The following ADAMTS9 variants were observed in gnomAD, a reference collection of about 807,000 sequenced individuals.
ADAMTS9 encodes the protein ADAM metallopeptidase with thrombospondin type 1 motif 9, also known as A disintegrin and metalloproteinase with thrombospondin motifs 9.
A neutral mutation model predicts 257.1 loss-of-function variants in ADAMTS9; 107 were observed. The observed-to-expected ratio is 0.42, with a 90% CI of 0.36 to 0.49. The LOEUF (loss-of-function observed/expected upper bound fraction) is 0.49, where lower values mean the gene tolerates loss of function less well. ADAMTS9 is among the 20% of genes least tolerant of loss of function. ADAMTS9 has a pLI of 0.03. For missense variants in ADAMTS9, 2,353 were observed against 2,469.1 expected (o/e 0.95, Z 1.00); for synonymous variants, 982 against 880.9 (o/e 1.11, Z -2.03).
At chr3:64,540,727 T>C (rs935033432) in intron 36 of ADAMTS9, among the ~76,000 whole-genome samples, 1 of 152,208 alleles carries the variant, frequency 6.6e-6, no homozygotes. Context: ...TCTATTTCAA[T>C]GTCATATTTT....
At chr3:64,612,825 G>A (rs971278573) in intron 22 of ADAMTS9, among the ~76,000 whole-genome samples, 2 of 152,118 alleles carry the variant, frequency 1.3e-5, no homozygotes, top group African/African-American at 4.8e-5. Flanking sequence ...ACAGACTAGA[G>A]GACTTGGAAA....
At chr3:64,528,807 G>A (rs1298985516) in intron 38 of ADAMTS9, among the ~76,000 whole-genome samples, 2 of 152,180 alleles carry the variant, frequency 1.3e-5, no homozygotes, top group Admixed American at 6.5e-5. Flanking sequence ...TTCACAATAA[G>A]TCAATGAGAA....
intron 12 of ADAMTS9, among the ~76,000 whole-genome samples, chr3:64,641,010 G>GA (rs1700622729): frequency 6.6e-6 from 1 of 151,980 alleles, no homozygotes; most frequent in Non-Finnish European, 1.5e-5. Context: ...GTGGGATGGG[G>GA]ACCTCAGCTG....
intron 2 of ADAMTS9, among the ~76,000 whole-genome samples, chr3:64,684,308 A>G (rs1701835945): frequency 6.8e-6 from 1 of 146,892 alleles, no homozygotes; most frequent in Non-Finnish European, 1.5e-5. Context: ...GAAGCGGGAT[A>G]GATTTAGGGT....
chr3:64,576,937 C>T (rs963398093), intron 28 of ADAMTS9, among the ~76,000 whole-genome samples: 4 of 152,166 alleles, frequency 2.6e-5, no homozygotes, highest in Non-Finnish European at 5.9e-5. Flanking sequence ...TCTTCCACTC[C>T]CACCCCAACG....
rs948099425 is a variant in ADAMTS9, at chr3:64,687,950, G to C, written c.-293C>G. The C allele has an allele frequency of 3.2e-5, 8 of 253,428 alleles. No homozygotes were observed. Among genetic ancestry groups the C allele is most frequent in the African/African-American group, 1.6e-4 (7 of 44,600 alleles). The allele number at this position is 253,428 out of a possible 1,614,324, so 15.7% of individuals were successfully genotyped here. A position where few individuals can be genotyped will look rare whatever the true frequency, so the allele number is the denominator to read the frequency against. On this transcript the variant is annotated 5_prime_UTR_variant, in exon 1 of 40. Transcript: ENST00000498707. The surrounding 1 kb of genome is among the most constrained non-coding windows in gnomAD (Gnocchi z 4.4). Reference sequence around the variant, plus strand: ...CTTGGCCGCATAATGCCCAGCGAGCGGGCAGGAGAAGGCGAGGAACTTGCG... The same window carrying C: ...CTTGGCCGCATAATGCCCAGCGAGCCGGCAGGAGAAGGCGAGGAACTTGCG...
intron 38 of ADAMTS9, among the ~76,000 whole-genome samples, chr3:64,529,556 T>G (rs925287997): frequency 6.6e-6 from 1 of 152,170 alleles, no homozygotes; most frequent in Non-Finnish European, 1.5e-5. Context: ...CAGAGAAGAC[T>G]GGGCCACAGG....
intron 38 of ADAMTS9, among the ~76,000 whole-genome samples, chr3:64,530,115 C>A (rs1420414717): frequency 6.7e-6 from 1 of 149,368 alleles, no homozygotes; most frequent in Non-Finnish European, 1.5e-5. Context: ...CAAGGCACTA[C>A]ATCTGGCCAC....
At chr3:64,580,464 G>A (rs566595398) in intron 28 of ADAMTS9, among the ~76,000 whole-genome samples, 5 of 152,256 alleles carry the variant, frequency 3.3e-5, no homozygotes, top group African/African-American at 9.6e-5. Context: ...CTTATGGAGA[G>A]TACTTTTTAC....
chr3:64,675,960 C>T (rs1701615557), intron 3 of ADAMTS9, among the ~76,000 whole-genome samples: 1 of 152,142 alleles, frequency 6.6e-6, no homozygotes, highest in Non-Finnish European at 1.5e-5. Context: ...TTTATAACTG[C>T]AGCCTGGAAA....
At chr3:64,636,691 A>T (rs957718005) in intron 12 of ADAMTS9, among the ~76,000 whole-genome samples, 8 of 152,302 alleles carry the variant, frequency 5.3e-5, no homozygotes, top group Non-Finnish European at 7.4e-5. Flanking sequence ...ACAAAGAAGA[A>T]GATTTTGGGA....
At chr3:64,561,490 T>C in intron 30 of ADAMTS9, 88 bp downstream of exon 30, 8 of 1,429,094 alleles carry the variant, frequency 5.6e-6, no homozygotes, top group Non-Finnish European at 7.6e-6. Context: ...CTCGGTGACT[T>C]CTCTGGCTTT....
chr3:64,547,857 GT>G (rs35890967), intron 31 of ADAMTS9, among the ~76,000 whole-genome samples: 2,738 of 147,596 alleles, frequency 0.019, 60 homozygotes, highest in African/African-American at 0.059. Context: ...CCTTAGCTAA[GT>G]TTTTTTTTTT....
chr3:64,614,402 C>G (rs1482260847), intron 21 of ADAMTS9, among the ~76,000 whole-genome samples: 1 of 152,164 alleles, frequency 6.6e-6, no homozygotes, highest in African/African-American at 2.4e-5. Flanking sequence ...AATTGACTGC[C>G]ATTTCAGGGG....
chr3:64,648,073 G>C (rs551635914), intron 10 of ADAMTS9, 29 bp from the exon 11 acceptor site: 2 of 1,578,682 alleles, frequency 1.3e-6, no homozygotes, highest in Non-Finnish European at 1.7e-6. Context: ...TGGCAATTGA[G>C]TGACAAGTGA....
At chr3:64,605,425 G>A (rs939819802) in intron 23 of ADAMTS9, among the ~76,000 whole-genome samples, 7 of 152,042 alleles carry the variant, frequency 4.6e-5, no homozygotes, top group African/African-American at 1.7e-4. Context: ...TTAATTGATC[G>A]ATGATGACAA....
intron 37 of ADAMTS9, among the ~76,000 whole-genome samples, chr3:64,538,226 G>A (rs2083073937): frequency 6.6e-6 from 1 of 152,104 alleles, no homozygotes; most frequent in South Asian, 2.1e-4. Flanking sequence ...ATTTCTCAAG[G>A]GATGAATGTT....
intron 28 of ADAMTS9, among the ~76,000 whole-genome samples, chr3:64,572,313 G>A (rs967720654): frequency 6.6e-6 from 1 of 152,096 alleles, no homozygotes; most frequent in African/African-American, 2.4e-5. Context: ...ACTAATTAAG[G>A]TCTAAGAGCT....
intron 3 of ADAMTS9, among the ~76,000 whole-genome samples, chr3:64,665,385 C>T (rs139717910): frequency 3.9e-4 from 59 of 152,310 alleles, no homozygotes; most frequent in African/African-American, 1.4e-3. Flanking sequence ...CTCCTGCTCA[C>T]CCTCCGTCCT....
Sources: gnomAD v4.1 joint callset for allele counts (sites outside exome capture counted in the v4.1 genomes callset) on GRCh38, gnomAD v4.1.1 for gene constraint, Gnocchi (gnomAD v3.1) non-coding constraint, MANE v1.5 for transcripts, NCBI Gene and HGNC (gene_info 2026-07-23, HGNC 2026-07-21) for gene names.